Variants in PRPF6 observed in about 807,000 individuals in gnomAD.
PRPF6 encodes pre-mRNA-processing factor 6.
In PRPF6, 42 loss-of-function variants were observed where a neutral mutation model predicts 118.3. The observed-to-expected ratio is 0.35, with a 90% CI of 0.28 to 0.46. PRPF6 has a LOEUF of 0.46. PRPF6 is among the 20% of genes least tolerant of loss of function. The pLI is 1.00. For synonymous variants in PRPF6, 481 were observed against 485.1 expected, an observed-to-expected ratio of 0.99 and a Z score of 0.11; for missense variants, 662 against 1,255.7, an observed-to-expected ratio of 0.53 and a Z score of 7.15.
At chr20:64,030,104 C>T (rs1450769783) in intron 19 of PRPF6, among the ~76,000 whole-genome samples, 2 of 152,228 alleles carry the variant, frequency 1.3e-5, no homozygotes, top group Non-Finnish European at 2.9e-5. Flanking sequence ...GGCAAAGACC[C>T]GCCAGGTGTG....
Position 63,995,019 on chromosome 20 carries a change from CT to C in PRPF6, c.543del (p.Val182PhefsTer37). On this transcript the variant is annotated frameshift_variant, in exon 5 of 21. Coordinates refer to ENST00000266079, the MANE Select transcript of PRPF6 (RefSeq NM_012469.4). LOFTEE classifies it high-confidence loss of function. ...AACCCACGCTATGAGAAGCTGACCC[CT>C]GTTCCTGACAGTTTCTTTGCCAAAC... ...QRNPRYEKLT[P>X]VPDSFFAKHL... The C allele has an allele frequency of 6.2e-7, 1 of 1,614,210 alleles. No individual in the cohort carries two copies. The highest frequency in any genetic ancestry group is 8.5e-7 in the Non-Finnish European group (1 of 1,180,032).
chr20:64,021,455 C>CGTGCATGTGT (rs1285047950), intron 12 of PRPF6, among the ~76,000 whole-genome samples: 2 of 126,782 alleles, frequency 1.6e-5, no homozygotes, highest in African/African-American at 3.1e-5. Context: ...CCACAGCCCC[C>CGTGCATGTGT]GTGCATGTGT....
At chr20:64,032,229 A>G (rs932756196) in intron 20 of PRPF6, among the ~76,000 whole-genome samples, 185 bp downstream of exon 20, 2 of 152,020 alleles carry the variant, frequency 1.3e-5, no homozygotes, top group South Asian at 2.1e-4. Context: ...CTGCCTCCAC[A>G]TCCGTTTTCT....
chr20:64,008,595 G>A (rs1205208184), intron 9 of PRPF6, among the ~76,000 whole-genome samples: 1 of 151,536 alleles, frequency 6.6e-6, no homozygotes, highest in Non-Finnish European at 1.5e-5. Context: ...TCCTTCATTA[G>A]GGTGTGCAAA....
At chr20:64,032,509 C>T (rs2059319607) in intron 20 of PRPF6, among the ~76,000 whole-genome samples, 1 of 152,356 alleles carries the variant, frequency 6.6e-6, no homozygotes, top group East Asian at 1.9e-4. Context: ...CTGGTCCTCC[C>T]TGGAAAGTGT....
Position 63,999,038 on chromosome 20 carries a change from C to G in PRPF6, c.772-7C>G, listed in dbSNP as rs558787024. 8.1e-6 allele frequency: 13 copies of G among 1,611,816 alleles called. No homozygotes were observed. In the East Asian group the frequency reaches 2.9e-4, roughly 36 times the overall value. On this transcript the variant is annotated splice_polypyrimidine_tract_variant and splice_region_variant and intron_variant, in intron 6 of 20. Transcript: ENST00000266079. ...CCAGCTGACTCTTAGCTTGGCCTGT[C>G]TCACAGGTGTCTGACTCCGTGAGTG...
chr20:63,993,451 G>A lies in PRPF6; in HGVS notation c.404G>A (p.Arg135His), dbSNP rs11553189. The A allele has an allele frequency of 6.2e-7, 1 of 1,612,906 alleles. No individual in the cohort carries two copies. Among genetic ancestry groups the A allele is most frequent in the Non-Finnish European group, 8.5e-7 (1 of 1,179,270 alleles). ...KEEIEKYRME[R>H]PKIQQQFSDL... ...GAAATAGAGAAATATCGTATGGAAC[G>A]CCCCAAAATCCAACAGCAGTTCTCA... is the stretch of plus-strand genomic sequence containing the variant. Residue 135 changes from arginine (R) to histidine (H), a missense_variant, in exon 4 of 21, where the codon CGC (arginine) becomes CAC (histidine). This residue lies in a region of PRPF6 where 20 missense variants were observed against 69.4 expected (regional missense o/e 0.29). Coordinates refer to ENST00000266079, the MANE Select transcript of PRPF6 (RefSeq NM_012469.4).
intron 20 of PRPF6, 147 bp from the exon 21 acceptor site, chr20:64,032,694 C>T (rs557811161): frequency 1.5e-5 from 15 of 1,025,784 alleles, no homozygotes; most frequent in Admixed American, 2.1e-5. Context: ...AGAGCCTTGC[C>T]TTCCGGTGCA....
intron 6 of PRPF6, among the ~76,000 whole-genome samples, chr20:63,995,970 T>C (rs1451549633): frequency 6.6e-6 from 1 of 152,146 alleles, no homozygotes; most frequent in Non-Finnish European, 1.5e-5. Context: ...TTTTAAAATA[T>C]AAAATAATAA....
At chr20:64,007,176 G>C (rs1253695538) in intron 9 of PRPF6, among the ~76,000 whole-genome samples, 1 of 152,194 alleles carries the variant, frequency 6.6e-6, no homozygotes, top group Admixed American at 6.5e-5. Flanking sequence ...ACCCTATGAG[G>C]CCACTGCTGC....
rs552376250 is a variant in PRPF6, at chr20:64,018,252, A to G, written c.1647+1407A>G. The stretch of plus-strand genomic sequence containing the variant: ...GTCCTTTTAGCAGAAGAAAAAACCA[A>G]CTGTCTTCTGTGAGGAATACAGGGT... On this transcript the variant is annotated intron_variant, in intron 12 of 20. Transcript: ENST00000266079. 1.2e-4 allele frequency among the ~76,000 whole-genome samples: 19 copies of G among 152,270 alleles called. 1 individual carries two copies. Among genetic ancestry groups the G allele is most frequent in the South Asian group, 6.2e-4 (3 of 4,820 alleles).
chr20:64,013,448 T>C (rs554691664), intron 11 of PRPF6, among the ~76,000 whole-genome samples: 3 of 152,194 alleles, frequency 2.0e-5, no homozygotes, highest in East Asian at 3.9e-4. Context: ...CTTTCTTTCT[T>C]TCCTTCTTTC....
At position 64,028,541 on chromosome 20, in the gene PRPF6, C is replaced by T. The variant is rs762206534; in HGVS notation, c.2403C>T (p.Ala801=). The T allele has an allele frequency of 1.9e-6, 3 of 1,613,544 alleles. No individual in the cohort carries two copies. The highest frequency in any genetic ancestry group is 2.5e-6 in the Non-Finnish European group (3 of 1,180,018). ...GLKNIANTLM[A]KALQECPNSG... ...AGAACATCGCAAATACACTCATGGC[C>T]AAGGCGCTGCAGGAGTGCCCCAACT... Residue 801 remains alanine, a synonymous_variant, in exon 18 of 21, where the codon GCC becomes GCT. Transcript: ENST00000266079. This position sits in a 1 kb window ranked among gnomAD's most constrained non-coding sequence, Gnocchi z 6.5.
chr20:63,989,226 T>C (rs1569211857), intron 3 of PRPF6, among the ~76,000 whole-genome samples: 1 of 152,118 alleles, frequency 6.6e-6, no homozygotes, highest in Non-Finnish European at 1.5e-5. Context: ...TGTCACCACA[T>C]ACAAAAATCA....
Position 64,028,565 on chromosome 20 carries a change from C to G in PRPF6, c.2427C>G (p.Asn809Lys). 6.2e-7 allele frequency: 1 copy of G among 1,609,262 alleles called. No homozygotes were observed. The highest frequency in any genetic ancestry group is 8.5e-7 in the Non-Finnish European group (1 of 1,177,714). The stretch of plus-strand genomic sequence containing the variant: ...CCAAGGCGCTGCAGGAGTGCCCCAA[C>G]TCCGGTAAGGGGGTGCCCCGACTCC... Reference protein sequence around the residue: ...LMAKALQECPNSGILWSEAIF... With the variant: ...LMAKALQECPKSGILWSEAIF... The change falls in exon 18 of 21, where the codon AAC (asparagine) becomes AAG (lysine). Residue 809 changes from asparagine to lysine, a missense_variant. Transcript: ENST00000266079. The surrounding 1 kb of genome is among the most constrained non-coding windows in gnomAD (Gnocchi z 6.5).
intron 9 of PRPF6, among the ~76,000 whole-genome samples, chr20:64,005,314 C>T (rs572493573): frequency 9.2e-5 from 14 of 152,248 alleles, no homozygotes; most frequent in African/African-American, 2.6e-4. Flanking sequence ...AATTGAGTCC[C>T]GCATGAATAT....
intron 9 of PRPF6, among the ~76,000 whole-genome samples, chr20:64,002,399 G>T (rs567021343): frequency 6.7e-6 from 1 of 149,352 alleles, no homozygotes; most frequent in Non-Finnish European, 1.5e-5. Flanking sequence ...ACAGGGGCAC[G>T]ATCTTGGCTC....
At chr20:64,006,860 G>C (rs552401651) in intron 9 of PRPF6, among the ~76,000 whole-genome samples, 1 of 152,354 alleles carries the variant, frequency 6.6e-6, no homozygotes. Flanking sequence ...GTAAGACCAT[G>C]TTCTGCCTGA....
chr20:63,986,480 C>T (rs1271333337), intron 3 of PRPF6, among the ~76,000 whole-genome samples: 2 of 151,072 alleles, frequency 1.3e-5, no homozygotes, highest in Non-Finnish European at 2.9e-5. Context: ...AGGACAAAAA[C>T]CATATGATCT....
Sources: gnomAD v4.1 joint callset for allele counts (sites outside exome capture counted in the v4.1 genomes callset) on GRCh38, gnomAD v4.1.1 for gene constraint, gnomAD v4.1.1 regional missense constraint, Gnocchi (gnomAD v3.1) non-coding constraint, MANE v1.5 for transcripts, NCBI Gene and HGNC (gene_info 2026-07-23, HGNC 2026-07-21) for gene names.